DBT: variants seen among roughly 807,000 people sequenced by gnomAD.
The protein encoded by DBT is lipoamide acyltransferase component of branched-chain alpha-keto acid dehydrogenase complex, mitochondrial.
DBT carries 40 observed loss-of-function variants against 51.3 expected under a neutral mutation model. The observed-to-expected ratio is 0.78, with a 90% CI of 0.61 to 1.02. DBT has a LOEUF of 1.02. Among genes scored for constraint, DBT ranks in the 50% least tolerant of loss-of-function variants. The probability of loss-of-function intolerance (pLI) is 0.00; values close to 1 mark genes in which losing one functional copy is unlikely to be tolerated. For missense variants in DBT, 510 were observed against 580.2 expected, an observed-to-expected ratio of 0.88 and a Z score of 1.24; for synonymous variants, 181 against 190.4, an observed-to-expected ratio of 0.95 and a Z score of 0.41.
chr1:100,244,572 G>GT (rs1184682089), intron 1 of DBT, among the ~76,000 whole-genome samples: 1 of 152,160 alleles, frequency 6.6e-6, no homozygotes, highest in African/African-American at 2.4e-5. Context: ...CTTATGTGCA[G>GT]TGGACACGTT....
chr1:100,219,102 A>G (rs1397529582), intron 4 of DBT, among the ~76,000 whole-genome samples: 1 of 152,210 alleles, frequency 6.6e-6, no homozygotes, highest in East Asian at 1.9e-4. Flanking sequence ...CTGCAATCCC[A>G]GCAATTTGGG....
chr1:100,192,420 A>T lies in DBT; in HGVS notation c.*3835T>A, dbSNP rs1660857126. 6.6e-6 allele frequency: 1 copy of T among 152,250 alleles called. No homozygotes were observed. Among genetic ancestry groups the T allele is most frequent in the African/African-American group, 2.4e-5 (1 of 41,474 alleles). The allele number at this position is 152,250 out of a possible 1,614,324, so 9.4% of individuals were successfully genotyped here. On this transcript the variant is annotated 3_prime_UTR_variant, in exon 11 of 11. Transcript: ENST00000370132. The stretch of plus-strand genomic sequence containing the variant: ...CAGAATGAACTAACTAATCACTTAC[A>T]GCCTGAATTTTACAAATGCCTTTGA...
chr1:100,219,492 C>T (rs546848093), intron 4 of DBT, among the ~76,000 whole-genome samples: 3 of 152,256 alleles, frequency 2.0e-5, no homozygotes, highest in African/African-American at 4.8e-5. Flanking sequence ...GTAATCCTAA[C>T]ACTCTAGCAG....
intron 1 of DBT, among the ~76,000 whole-genome samples, chr1:100,242,647 A>T (rs536005962): frequency 6.6e-6 from 1 of 152,312 alleles, no homozygotes; most frequent in South Asian, 2.1e-4. Flanking sequence ...CTCTTTCCCA[A>T]ACATTTCCAT....
intron 4 of DBT, among the ~76,000 whole-genome samples, chr1:100,219,925 G>A (rs1002501307): frequency 6.6e-6 from 1 of 152,050 alleles, no homozygotes; most frequent in African/African-American, 2.4e-5. Flanking sequence ...CGGGAGAATT[G>A]CTTGAGGCCA....
chr1:100,249,675 AC>A (rs1664800254), intron 1 of DBT, 94 bp downstream of exon 1: 1 of 1,203,868 alleles, frequency 8.3e-7, no homozygotes, highest in Non-Finnish European at 1.2e-6. Flanking sequence ...CGTGCCCTGG[AC>A]GCCTGGCACC....
intron 10 of DBT, among the ~76,000 whole-genome samples, chr1:100,201,535 A>ATT (rs943674806): frequency 4.4e-4 from 67 of 152,344 alleles, no homozygotes; most frequent in African/African-American, 1.4e-3. Flanking sequence ...CAACATTCAA[A>ATT]TTCAGGAAAT....
chr1:100,226,046 A>G (rs1024961931), intron 4 of DBT, among the ~76,000 whole-genome samples: 77 of 152,224 alleles, frequency 5.1e-4, no homozygotes, highest in African/African-American at 1.9e-3. Context: ...TTACTTGTTC[A>G]TATAAATAAC....
At position 100,196,190 on chromosome 1, in the gene DBT, C is replaced by T; in HGVS notation, c.*65G>A. 7.6e-7 allele frequency: 1 copy of T among 1,311,260 alleles called. No individual in the cohort carries two copies. Among genetic ancestry groups the T allele is most frequent in the Non-Finnish European group, 1.1e-6 (1 of 904,948 alleles). The allele number at this position is 1,311,260 out of a possible 1,614,324, so 81.2% of individuals were successfully genotyped here. On this transcript the variant is annotated 3_prime_UTR_variant, in exon 11 of 11. Transcript: ENST00000370132. ...TATAAATTGTAAAGATGAACATGTGCTGGCACAGCTAGGGTTTACATACTC... is the reference window on the plus strand; with the variant it reads ...TATAAATTGTAAAGATGAACATGTGTTGGCACAGCTAGGGTTTACATACTC...
At chr1:100,233,662 C>A (rs1434013132) in intron 3 of DBT, among the ~76,000 whole-genome samples, 1 of 152,156 alleles carries the variant, frequency 6.6e-6, no homozygotes, top group Non-Finnish European at 1.5e-5. Context: ...GCAGTTTTGC[C>A]ACAAGAGTAC....
At position 100,187,669 on chromosome 1, in the gene DBT, C is replaced by T. The variant is rs1660625024; in HGVS notation, c.*8586G>A. 2.0e-5 allele frequency: 3 copies of T among 151,306 alleles called. No homozygotes were observed. The highest frequency in any genetic ancestry group is 6.6e-5 in the Admixed American group (1 of 15,216). The allele number at this position is 151,306 out of a possible 1,614,324, so 9.4% of individuals were successfully genotyped here. A position where few individuals can be genotyped will look rare whatever the true frequency, so the allele number is the denominator to read the frequency against. Reference sequence around the variant, plus strand: ...CTTCCCGAGTAGCTGGGACCACAGGCGTGCACCACCAGGCCTGGCTAACTT... The same window carrying T: ...CTTCCCGAGTAGCTGGGACCACAGGTGTGCACCACCAGGCCTGGCTAACTT... On this transcript the variant is annotated 3_prime_UTR_variant, in exon 11 of 11. Transcript: ENST00000370132.
chr1:100,218,683 T>C lies in DBT; in HGVS notation c.498A>G (p.Ile166Met). 18 of 1,614,092 alleles carry C rather than the reference T, an allele frequency of 1.1e-5. No individual in the cohort carries two copies. Among genetic ancestry groups the C allele is most frequent in the Non-Finnish European group, 1.4e-5 (17 of 1,179,962 alleles). The change falls in exon 5 of 11, where the codon ATA (isoleucine) becomes ATG (methionine). Residue 166 changes from isoleucine to methionine, a missense_variant. Transcript: ENST00000370132. ...VSHDEHTHQE[I>M]KGRKTLATPA... ...GAGTTGCCAGTGTTTTTCGGCCCTT[T>C]ATCTCTTGGTGTGTATGTTCATCAT...
intron 4 of DBT, among the ~76,000 whole-genome samples, chr1:100,223,892 A>G (rs774136831): frequency 2.6e-5 from 4 of 152,124 alleles, no homozygotes; most frequent in Non-Finnish European, 5.9e-5. Context: ...TTAATAGTAT[A>G]TGCCTTTTTA....
At chr1:100,223,365 T>C (rs938371788) in intron 4 of DBT, among the ~76,000 whole-genome samples, 7 of 151,838 alleles carry the variant, frequency 4.6e-5, no homozygotes, top group Non-Finnish European at 5.9e-5. Context: ...TTAAACTGAG[T>C]TGGTTTTAGT....
chr1:100,225,052 T>TACACAC lies in DBT; in HGVS notation c.433+5675_433+5680dup, dbSNP rs71084808. 5.1e-3 allele frequency among the ~76,000 whole-genome samples: 400 copies of TACACAC among 78,980 alleles called. 24 individuals are homozygous for TACACAC. The highest frequency in any genetic ancestry group is 0.012 in the East Asian group (30 of 2,474). 51.8% of individuals were successfully genotyped at this position (78,980 alleles called of 152,430 possible). ...AAAAAAAAAAAAAAAAATATATATATACACACACACACACACACACACACA... is the reference window on the plus strand; with the variant it reads ...AAAAAAAAAAAAAAAAATATATATATACACACACACACACACACACACACACACACA... On this transcript the variant is annotated intron_variant, in intron 4 of 10. Transcript: ENST00000370132.
chr1:100,210,726 C>A lies in DBT; in HGVS notation c.985G>T (p.Val329Leu). The A allele has an allele frequency of 6.2e-7, 1 of 1,613,436 alleles. No individual in the cohort carries two copies. Among genetic ancestry groups the A allele is most frequent in the Non-Finnish European group, 8.5e-7 (1 of 1,179,472 alleles). ...GTTATATTCTGGCAGTTTTCATCCA[C>A]AGAAGCGTTAAGGATAGGAAACTGT... ...LLQFPILNAS[V>L]DENCQNITYK... The change falls in exon 8 of 11, where the codon GTG becomes TTG. Residue 329 changes from valine (V) to leucine (L), a missense_variant. Physicochemically the swap from Val to Leu is conservative, Grantham distance 32. Transcript: ENST00000370132.
At chr1:100,199,985 C>T (rs1004169194) in intron 10 of DBT, among the ~76,000 whole-genome samples, 3 of 152,116 alleles carry the variant, frequency 2.0e-5, no homozygotes, top group African/African-American at 7.2e-5. Flanking sequence ...TGGGCAGACA[C>T]CAAGCTAGCT....
intron 1 of DBT, among the ~76,000 whole-genome samples, chr1:100,248,510 G>C (rs1255069359): frequency 6.6e-6 from 1 of 152,206 alleles, no homozygotes; most frequent in East Asian, 1.9e-4. Context: ...CATCAGCATA[G>C]ATGGTAACTA....
intron 4 of DBT, among the ~76,000 whole-genome samples, chr1:100,224,685 G>GCTTT: frequency 6.6e-6 from 1 of 151,966 alleles, no homozygotes; most frequent in Non-Finnish European, 1.5e-5. Context: ...GCTTTACTGA[G>GCTTT]ATAGAGCTGA....
Sources: gnomAD v4.1 joint callset for allele counts (sites outside exome capture counted in the v4.1 genomes callset) on GRCh38, gnomAD v4.1.1 for gene constraint, MANE v1.5 for transcripts, NCBI Gene and HGNC (gene_info 2026-07-23, HGNC 2026-07-21) for gene names.